The following PRKX variants were observed in gnomAD, a reference collection of about 807,000 sequenced individuals.
The protein encoded by PRKX is protein kinase cAMP-dependent X-linked catalytic subunit.
In PRKX, 12 loss-of-function variants were observed where a neutral mutation model predicts 22.0. The ratio of observed to expected loss-of-function variants is 0.54; its 90% CI spans 0.35 to 0.88. The LOEUF (loss-of-function observed/expected upper bound fraction) is 0.88, where lower values mean the gene tolerates loss of function less well. Among genes scored for constraint, PRKX ranks in the 40% least tolerant of loss-of-function variants. The pLI, the probability that PRKX is intolerant of heterozygous loss-of-function variation, is 0.01. For missense variants in PRKX, 217 were observed against 308.0 expected (o/e 0.70, Z 2.21); for synonymous variants, 134 against 137.7 (o/e 0.97, Z 0.19).
intron 4 of PRKX, among the ~76,000 whole-genome samples, chrX:3,638,156 G>A (rs1277965190): frequency 1.8e-5 from 2 of 111,319 alleles, no homozygotes; most frequent in Non-Finnish European, 3.8e-5. Context: ...ATATTCCAAT[G>A]TTATAGCCTA....
intron 6 of PRKX, among the ~76,000 whole-genome samples, chrX:3,618,781 T>TA (rs1926493301): frequency 9.0e-6 from 1 of 111,561 alleles, no homozygotes; most frequent in Non-Finnish European, 1.9e-5. Context: ...GGAAGGTACC[T>TA]ATGATGGTCA....
At chrX:3,669,490 G>A (rs189885235) in intron 2 of PRKX, among the ~76,000 whole-genome samples, 3 of 112,233 alleles carry the variant, frequency 2.7e-5, no homozygotes, top group Non-Finnish European at 5.6e-5. Context: ...CTTGGCATCT[G>A]CTGGGTGGAG....
At chrX:3,658,019 T>C (rs1927515777) in intron 2 of PRKX, among the ~76,000 whole-genome samples, 1 of 111,537 alleles carries the variant, frequency 9.0e-6, no homozygotes, top group African/African-American at 3.3e-5. Context: ...TCAGAGAGTT[T>C]TGCTCTTGTT....
intron 4 of PRKX, among the ~76,000 whole-genome samples, chrX:3,638,644 G>A (rs1465590015): frequency 2.7e-5 from 3 of 111,730 alleles, no homozygotes; most frequent in South Asian, 7.6e-4. Flanking sequence ...AAGAGTAATG[G>A]AAAATTCAAA....
intron 1 of PRKX, among the ~76,000 whole-genome samples, chrX:3,706,698 T>G (rs1928693163): frequency 8.9e-6 from 1 of 112,296 alleles, no homozygotes; most frequent in African/African-American, 3.2e-5. Context: ...AGCGTGCCCA[T>G]GAACTGTAGA....
chrX:3,657,040 C>G (rs1306213811), intron 2 of PRKX, among the ~76,000 whole-genome samples: 1 of 111,695 alleles, frequency 9.0e-6, no homozygotes, highest in East Asian at 2.8e-4. Context: ...TCACTTCCCC[C>G]AAAGCTCCAC....
At chrX:3,672,827 G>A (rs753596914) in intron 2 of PRKX, among the ~76,000 whole-genome samples, 109 of 111,171 alleles carry the variant, frequency 9.8e-4, no homozygotes, top group Non-Finnish European at 1.8e-3. Context: ...AGACCAGCCT[G>A]GGCAACACAG....
chrX:3,668,576 G>C (rs1927783122), intron 2 of PRKX, among the ~76,000 whole-genome samples: 1 of 111,886 alleles, frequency 8.9e-6, no homozygotes, highest in Admixed American at 9.5e-5. Flanking sequence ...AAGAGGTTCT[G>C]GCATGAACTC....
chrX:3,683,837 T>A (rs1217181963), intron 1 of PRKX, among the ~76,000 whole-genome samples: 1 of 110,716 alleles, frequency 9.0e-6, no homozygotes, highest in African/African-American at 3.3e-5. Context: ...AGACCCTGTC[T>A]CAAAACAAAA....
intron 1 of PRKX, among the ~76,000 whole-genome samples, chrX:3,701,523 G>C (rs1454395796): frequency 8.9e-6 from 1 of 112,370 alleles, no homozygotes; most frequent in Non-Finnish European, 1.9e-5. Flanking sequence ...GCTGGATTTT[G>C]CGATCTTTGA....
chrX:3,688,344 G>T (rs1451967481), intron 1 of PRKX, among the ~76,000 whole-genome samples: 1 of 102,722 alleles, frequency 9.7e-6, no homozygotes, highest in Non-Finnish European at 2.0e-5. Flanking sequence ...TACTCAGGAG[G>T]CTGAGGCAGG....
chrX:3,643,627 G>T (rs1230864462), intron 3 of PRKX, among the ~76,000 whole-genome samples: 1 of 110,997 alleles, frequency 9.0e-6, no homozygotes, highest in African/African-American at 3.3e-5. Flanking sequence ...TCTGTAGACA[G>T]GCAGAAAGAA....
intron 1 of PRKX, among the ~76,000 whole-genome samples, chrX:3,692,660 T>G (rs1437172517): frequency 3.7e-5 from 4 of 109,498 alleles, no homozygotes; most frequent in African/African-American, 1.3e-4. Context: ...CCTGAGTAGC[T>G]GGGACTACAG....
At position 3,713,562 on chromosome X, in the gene PRKX, G is replaced by T. The variant is rs2146619214; in HGVS notation, c.-309C>A. 5.6e-6 allele frequency: 1 copy of T among 179,213 alleles called. No homozygotes were observed. Among genetic ancestry groups the T allele is most frequent in the South Asian group, 3.0e-4 (1 of 3,297 alleles). The allele number at this position is 179,213 out of a possible 1,213,427, so 14.8% of individuals were successfully genotyped here. A position where few individuals can be genotyped will look rare whatever the true frequency, so the allele number is the denominator to read the frequency against. On this transcript the variant is annotated 5_prime_UTR_variant, in exon 1 of 9. Transcript: ENST00000262848. ...GGCCCGGGCTGGGGGGGGCGAGGCGGGGGCCCTGCGCATTCCGGGTCTCGC... is the reference window on the plus strand; with the variant it reads ...GGCCCGGGCTGGGGGGGGCGAGGCGTGGGCCCTGCGCATTCCGGGTCTCGC...
chrX:3,661,400 A>G (rs1468073014), intron 2 of PRKX, among the ~76,000 whole-genome samples: 2 of 111,028 alleles, frequency 1.8e-5, no homozygotes, highest in African/African-American at 6.6e-5. Context: ...TGAGACCAAG[A>G]GTTTGAGACT....
rs1926165606 is a variant in PRKX at position 3,606,106 on chromosome X, T to TTAGAG, written c.*2858_*2862dup. On this transcript the variant is annotated 3_prime_UTR_variant, in exon 9 of 9. Coordinates refer to ENST00000262848, the MANE Select transcript of PRKX (RefSeq NM_005044.5). ...TGTAACATATCCATGTCCTATTCTC[T>TTAGAG]TAGAGTATTCCAATTTAAGAAAATA... 8.9e-6 allele frequency: 1 copy of TTAGAG among 112,583 alleles called. No homozygotes were observed. The highest frequency in any genetic ancestry group is 1.9e-5 in the Non-Finnish European group (1 of 53,332). The allele number at this position is 112,583 out of a possible 1,213,427, so 9.3% of individuals were successfully genotyped here.
intron 1 of PRKX, 150 bp downstream of exon 1, chrX:3,712,938 G>T: frequency 1.5e-6 from 1 of 674,707 alleles, no homozygotes; most frequent in Non-Finnish European, 2.0e-6. Flanking sequence ...GACCCGGGGC[G>T]CAGGTGCAGC....
intron 1 of PRKX, among the ~76,000 whole-genome samples, chrX:3,690,276 G>C (rs1167071586): frequency 2.7e-5 from 3 of 112,011 alleles, no homozygotes; most frequent in African/African-American, 6.5e-5. Flanking sequence ...GTGGTAGATA[G>C]TTTGGTGAGT....
At chrX:3,695,182 T>C (rs7879961) in intron 1 of PRKX, among the ~76,000 whole-genome samples, 47,982 of 108,545 alleles carry the variant, frequency 0.44, 8,355 homozygotes, top group African/African-American at 0.63. Context: ...AGATGATAAC[T>C]GAAGTCACAG....
Sources: gnomAD v4.1 joint callset for allele counts (sites outside exome capture counted in the v4.1 genomes callset) on GRCh38, gnomAD v4.1.1 for gene constraint, MANE v1.5 for transcripts, NCBI Gene and HGNC (gene_info 2026-07-23, HGNC 2026-07-21) for gene names.